B4GALT5: variants seen among roughly 807,000 people sequenced by gnomAD.
B4GALT5 encodes the protein beta-1,4-galactosyltransferase 5.
A neutral mutation model predicts 45.0 loss-of-function variants in B4GALT5; 11 were observed. The observed-to-expected ratio is 0.24, with a 90% CI of 0.15 to 0.40. The LOEUF is 0.40. B4GALT5 is among the 10% of genes least tolerant of loss of function. The pLI, the probability that B4GALT5 is intolerant of heterozygous loss-of-function variation, is 1.00. For missense variants in B4GALT5, 337 were observed against 500.2 expected (o/e 0.67, Z 3.11); for synonymous variants, 185 against 182.9 (o/e 1.01, Z -0.09).
chr20:49,695,415 A>ATT (rs11297973), intron 1 of B4GALT5, among the ~76,000 whole-genome samples: 44 of 142,166 alleles, frequency 3.1e-4, no homozygotes, highest in African/African-American at 8.5e-4. Flanking sequence ...GTTGTGGTTT[A>ATT]TTTTTTTTTT....
chr20:49,704,560 AT>A (rs1471572607), intron 1 of B4GALT5, among the ~76,000 whole-genome samples: 1 of 151,636 alleles, frequency 6.6e-6, no homozygotes, highest in Non-Finnish European at 1.5e-5. Flanking sequence ...TCTACTAAAA[AT>A]ACAAAAAATT....
rs1044984215 is a variant in B4GALT5 at position 49,707,026 on chromosome 20, C to T, written c.115+6550G>A. 3.3e-5 allele frequency among the ~76,000 whole-genome samples: 5 copies of T among 152,242 alleles called. No homozygotes were observed. The East Asian group carries it at 7.7e-4, about 23-fold the overall frequency. ...TCCTGGTGATTATTATACAAGGCTCCCACTGGCCTGTTCAGCTGGGGCGGG... is the reference window on the plus strand; with the variant it reads ...TCCTGGTGATTATTATACAAGGCTCTCACTGGCCTGTTCAGCTGGGGCGGG... On this transcript the variant is annotated intron_variant, in intron 1 of 8. Coordinates refer to ENST00000371711, the MANE Select transcript of B4GALT5 (RefSeq NM_004776.4).
chr20:49,708,833 G>A (rs2085895736), intron 1 of B4GALT5, among the ~76,000 whole-genome samples: 1 of 151,736 alleles, frequency 6.6e-6, no homozygotes, highest in East Asian at 1.9e-4. Context: ...TCAGGAGGCT[G>A]AGGCAGGAGA....
At position 49,648,244 on chromosome 20, in the gene B4GALT5, C is replaced by T. The variant is rs149915913; in HGVS notation, c.251-1166G>A. Among the ~76,000 whole-genome samples the T allele has an allele frequency of 8.0e-4, 122 of 152,258 alleles. 2 individuals are homozygous for T. The highest frequency in any genetic ancestry group is 2.5e-3 in the African/African-American group (102 of 41,544). ...AGAATGGTAGAGTCCTGACTATAAA[C>T]ATCCTGAAACTAAGAAAGAAGAGAA... On this transcript the variant is annotated intron_variant, in intron 2 of 8. Transcript: ENST00000371711.
intron 1 of B4GALT5, among the ~76,000 whole-genome samples, chr20:49,694,758 C>G (rs1182809093): frequency 6.6e-6 from 1 of 152,078 alleles, no homozygotes; most frequent in Non-Finnish European, 1.5e-5. Flanking sequence ...TGCGCATAAC[C>G]TGAACTCTGC....
intron 2 of B4GALT5, among the ~76,000 whole-genome samples, chr20:49,648,019 C>A (rs185607941): frequency 6.6e-6 from 1 of 152,130 alleles, no homozygotes; most frequent in Non-Finnish European, 1.5e-5. Context: ...CTTTACTCAA[C>A]CTTCCTTTAA....
rs577833774 is a variant in B4GALT5, at chr20:49,637,725, G to C, written c.918-283C>G. Among the ~76,000 whole-genome samples, 77 of 151,788 alleles carry C rather than the reference G, an allele frequency of 5.1e-4. No homozygotes were observed. In the South Asian group the frequency reaches 0.016, roughly 32 times the overall value. On this transcript the variant is annotated intron_variant, in intron 7 of 8. Transcript: ENST00000371711. ...GAGGTGGGCAGATCATTTGAGGTCA[G>C]GAGTTCGAGACCAGCCTGGCCAAAA...
chr20:49,701,917 T>G (rs1439088896), intron 1 of B4GALT5, among the ~76,000 whole-genome samples: 1 of 152,002 alleles, frequency 6.6e-6, no homozygotes, highest in East Asian at 1.9e-4. Flanking sequence ...ATAAAAAAAT[T>G]AGCTGGGGGT....
intron 1 of B4GALT5, among the ~76,000 whole-genome samples, chr20:49,673,671 A>C (rs1412800701): frequency 6.6e-6 from 1 of 152,190 alleles, no homozygotes; most frequent in Non-Finnish European, 1.5e-5. Flanking sequence ...AGTATTGAAA[A>C]GATTATGAAA....
intron 1 of B4GALT5, among the ~76,000 whole-genome samples, chr20:49,711,067 ACTCT>A (rs1256567959): frequency 9.6e-5 from 12 of 125,604 alleles, no homozygotes; most frequent in African/African-American, 3.0e-4. Flanking sequence ...GGCAACAGAG[ACTCT>A]CTATCAAAAA....
Position 49,665,152 on chromosome 20 carries a change from T to C in B4GALT5, c.116-8450A>G, listed in dbSNP as rs541995862. ...AAGAAACAGAGCTGGGCACAGTGGCTCATGCCTGTAATCCCAGCAGTTTGG... is the reference window on the plus strand; with the variant it reads ...AAGAAACAGAGCTGGGCACAGTGGCCCATGCCTGTAATCCCAGCAGTTTGG... On this transcript the variant is annotated intron_variant, in intron 1 of 8. Transcript: ENST00000371711. 2.0e-5 allele frequency among the ~76,000 whole-genome samples: 3 copies of C among 152,132 alleles called. No homozygotes were observed. In the East Asian group the frequency reaches 5.8e-4, roughly 29 times the overall value.
intron 7 of B4GALT5, among the ~76,000 whole-genome samples, chr20:49,639,036 G>T (rs2085565253): frequency 6.6e-6 from 1 of 152,116 alleles, no homozygotes; most frequent in Non-Finnish European, 1.5e-5. Context: ...TCACAATCCT[G>T]AGATTTGTGA....
At chr20:49,698,079 C>T (rs1296866451) in intron 1 of B4GALT5, among the ~76,000 whole-genome samples, 1 of 152,072 alleles carries the variant, frequency 6.6e-6, no homozygotes, top group Non-Finnish European at 1.5e-5. Flanking sequence ...CCCAGCTACT[C>T]GAGAGGCAGA....
At chr20:49,681,563 G>C (rs956195951) in intron 1 of B4GALT5, among the ~76,000 whole-genome samples, 3 of 152,150 alleles carry the variant, frequency 2.0e-5, no homozygotes, top group Admixed American at 2.0e-4. Context: ...TGAGCACCAG[G>C]ATTGTAGACC....
At chr20:49,644,354 G>C (rs1168721968) in intron 3 of B4GALT5, among the ~76,000 whole-genome samples, 2 of 152,062 alleles carry the variant, frequency 1.3e-5, no homozygotes, top group Non-Finnish European at 2.9e-5. Flanking sequence ...CCAAAGTGCT[G>C]GGATTATAGC....
chr20:49,707,864 T>C (rs1414907127), intron 1 of B4GALT5, among the ~76,000 whole-genome samples: 2 of 152,086 alleles, frequency 1.3e-5, no homozygotes, highest in East Asian at 3.9e-4. Flanking sequence ...TCCGCCCATC[T>C]TGGCTTCCCA....
chr20:49,696,518 TGTTTCGTTATA>T (rs1278785389), intron 1 of B4GALT5, among the ~76,000 whole-genome samples: 1 of 152,200 alleles, frequency 6.6e-6, no homozygotes, highest in Non-Finnish European at 1.5e-5. Context: ...TAAGACAGGA[TGTTTCGTTATA>T]GTGGGGAAAA....
chr20:49,647,465 G>A (rs1402423164), intron 2 of B4GALT5, among the ~76,000 whole-genome samples: 2 of 152,022 alleles, frequency 1.3e-5, no homozygotes, highest in Non-Finnish European at 2.9e-5. Context: ...AGCCTCTACG[G>A]CTGGTCGTGA....
intron 2 of B4GALT5, among the ~76,000 whole-genome samples, chr20:49,656,000 C>T (rs2081444301): frequency 6.6e-6 from 1 of 151,956 alleles, no homozygotes; most frequent in African/African-American, 2.4e-5. Flanking sequence ...AAATGTCTGT[C>T]CCCTGCACAC....
Sources: gnomAD v4.1 joint callset for allele counts (sites outside exome capture counted in the v4.1 genomes callset) on GRCh38, gnomAD v4.1.1 for gene constraint, MANE v1.5 for transcripts, NCBI Gene and HGNC (gene_info 2026-07-23, HGNC 2026-07-21) for gene names.